The following DEFA4 variants were observed in gnomAD, a reference collection of about 807,000 sequenced individuals.
DEFA4 encodes corticostatin.
DEFA4 carries 8 observed loss-of-function variants against 4.4 expected under a neutral mutation model. That is an observed-to-expected ratio of 1.82 (90% confidence interval 1.07 to 3.29). DEFA4 has a LOEUF of 3.29. Among genes scored for constraint, DEFA4 ranks in the 30% most tolerant of loss-of-function variants. DEFA4 has a pLI of 0.00. For synonymous variants in DEFA4, 77 were observed against 46.5 expected (o/e 1.66, Z -2.67); for missense variants, 216 against 127.0 (o/e 1.70, Z -3.37).
rs771358026 is a variant in DEFA4 at position 6,936,165 on chromosome 8, G to T, written c.173-24C>A. On this transcript the variant is annotated intron_variant, in intron 2 of 2. Transcript: ENST00000297435. ...GCCTGGGAACACAGAGGAAGCATGA[G>T]AAATTAAGCACCAAGGTCAGCGGTG... 44 of 1,612,308 alleles carry T rather than the reference G, an allele frequency of 2.7e-5. 2 individuals are homozygous for T. The highest frequency in any genetic ancestry group is 1.7e-4 in the Middle Eastern group (1 of 5,982).
intron 2 of DEFA4, 115 bp from the exon 3 acceptor site, chr8:6,936,256 C>A: frequency 7.3e-7 from 1 of 1,367,898 alleles, no homozygotes; most frequent in South Asian, 1.3e-5. Flanking sequence ...GCATTAGTGC[C>A]GGTAGCACAA....
chr8:6,937,468 C>T (rs1808905352), intron 1 of DEFA4, among the ~76,000 whole-genome samples: 1 of 152,008 alleles, frequency 6.6e-6, no homozygotes, highest in Non-Finnish European at 1.5e-5. Flanking sequence ...GGACAATGAC[C>T]TTATCAGGGT....
At chr8:6,936,536 A>G (rs7816407) in intron 2 of DEFA4, among the ~76,000 whole-genome samples, 192 bp downstream of exon 2, 1,533 of 152,274 alleles carry the variant, frequency 0.01, 29 homozygotes, top group African/African-American at 0.034. Context: ...ATACCTTGGA[A>G]TCAAGTCTTT....
chr8:6,937,822 A>C (rs761327278), intron 1 of DEFA4, among the ~76,000 whole-genome samples: 5 of 152,198 alleles, frequency 3.3e-5, no homozygotes, highest in African/African-American at 4.8e-5. Flanking sequence ...CCAGAAAATG[A>C]GAGAAAATGT....
In DEFA4 at chr8:6,936,081, C is replaced by G. The variant is rs200506506; in HGVS notation, c.233G>C (p.Arg78Pro). 25 of 1,613,908 alleles carry G rather than the reference C, an allele frequency of 1.5e-5. No homozygotes were observed. Among genetic ancestry groups the G allele is most frequent in the Non-Finnish European group, 1.9e-5 (23 of 1,180,026 alleles). Reference protein sequence around the residue: ...RLVFCRRTELRVGNCLIGGVS... With the variant: ...RLVFCRRTELPVGNCLIGGVS... ...ACCACCAATGAGGCAGTTCCCAACA[C>G]GAAGTTCTGTTCGCCGGCAGAATAC... is the stretch of plus-strand genomic sequence containing the variant. The change falls in exon 3 of 3, where the codon CGT (arginine) becomes CCT (proline). Residue 78 changes from arginine to proline, a missense_variant. Arg to Pro is a moderately radical substitution (Grantham distance 103). Coordinates refer to ENST00000297435, the MANE Select transcript of DEFA4 (RefSeq NM_001925.3).
intron 2 of DEFA4, among the ~76,000 whole-genome samples, chr8:6,936,506 C>A (rs1197770585): frequency 6.6e-6 from 1 of 152,138 alleles, no homozygotes; most frequent in East Asian, 1.9e-4. Flanking sequence ...CGTATCTTAA[C>A]CCTAGCGAAT....
Position 6,936,251 on chromosome 8 carries a change from A to G in DEFA4, c.173-110T>C, listed in dbSNP as rs181316305. The stretch of plus-strand genomic sequence containing the variant: ...GCTGACCGGTGATGCTGGCTGCATT[A>G]GTGCCGGTAGCACAAACAACCTTAG... On this transcript the variant is annotated intron_variant, in intron 2 of 2. Transcript: ENST00000297435. 9.8e-5 allele frequency: 139 copies of G among 1,417,724 alleles called. No individual in the cohort carries two copies. In the East Asian group the frequency reaches 3.3e-3, roughly 33 times the overall value. 87.8% of individuals were successfully genotyped at this position (1,417,724 alleles called of 1,614,324 possible).
chr8:6,936,577 C>G (rs1329580563), intron 2 of DEFA4, 151 bp downstream of exon 2: 2 of 716,876 alleles, frequency 2.8e-6, no homozygotes, highest in East Asian at 5.9e-5. Flanking sequence ...ATTTGTTTGT[C>G]TCTCTATTCA....
intron 2 of DEFA4, 80 bp from the exon 3 acceptor site, chr8:6,936,221 T>A: frequency 1.3e-6 from 2 of 1,580,490 alleles, no homozygotes; most frequent in Non-Finnish European, 8.6e-7. Flanking sequence ...AGAAGTCACA[T>A]GCTGGCTGAC....
At position 6,936,860 on chromosome 8, in the gene DEFA4, C is replaced by G; in HGVS notation, c.40G>C (p.Ala14Pro). The change falls in exon 2 of 3, where the codon GCC (alanine) becomes CCC (proline). Residue 14 changes from alanine to proline, a missense_variant. Physicochemically the swap from Ala to Pro is conservative, Grantham distance 27 (BLOSUM62 -1). Coordinates refer to ENST00000297435, the MANE Select transcript of DEFA4 (RefSeq NM_001925.3). ...AGTGGGCCTGCCCGGACCTGGAGGG[C>G]TACCAAGAGAATAGCAGCGAGGAGG... ...IALLAAILLVALQVRAGPLQA... is the reference protein window; with the variant it reads ...IALLAAILLVPLQVRAGPLQA... 6.2e-7 allele frequency: 1 copy of G among 1,612,298 alleles called. No homozygotes were observed. The highest frequency in any genetic ancestry group is 8.5e-7 in the Non-Finnish European group (1 of 1,179,164).
At chr8:6,937,217 A>C (rs528185445) in intron 1 of DEFA4, among the ~76,000 whole-genome samples, 5 of 152,194 alleles carry the variant, frequency 3.3e-5, no homozygotes, top group African/African-American at 7.2e-5. Flanking sequence ...TTCCTGGTTA[A>C]ATCTTTAATA....
intron 2 of DEFA4, among the ~76,000 whole-genome samples, 163 bp from the exon 3 acceptor site, chr8:6,936,304 G>A (rs534978265): frequency 2.6e-5 from 4 of 152,276 alleles, no homozygotes; most frequent in Admixed American, 2.6e-4. Flanking sequence ...ACAGAGCAAT[G>A]CTGCTCATAC....
In DEFA4 at chr8:6,935,912, T is replaced by G. The variant is rs1808824825; in HGVS notation, c.*108A>C. The G allele has an allele frequency of 6.5e-7, 1 of 1,527,070 alleles. No individual in the cohort carries two copies. Among genetic ancestry groups the G allele is most frequent in the African/African-American group, 1.4e-5 (1 of 73,026 alleles). The allele number at this position is 1,527,070 out of a possible 1,614,324, so 94.6% of individuals were successfully genotyped here. A position where few individuals can be genotyped will look rare whatever the true frequency, so the allele number is the denominator to read the frequency against. On this transcript the variant is annotated 3_prime_UTR_variant, in exon 3 of 3. Coordinates refer to ENST00000297435, the MANE Select transcript of DEFA4 (RefSeq NM_001925.3). ...CATTTCCTGTAGCTCTCAAAGCAAA[T>G]TATGAGCTCATTTTTCTCTATTCTG...
rs780557087 is a variant in DEFA4, at chr8:6,936,829, G to A, written c.71C>T (p.Ala24Val). 1.2e-6 allele frequency: 2 copies of A among 1,613,628 alleles called. No homozygotes were observed. Among genetic ancestry groups the A allele is most frequent in the Non-Finnish European group, 1.7e-6 (2 of 1,179,810 alleles). Residue 24 changes from alanine to valine, a missense_variant, in exon 2 of 3, where the codon GCA becomes GTA. Ala to Val is a moderately conservative substitution (Grantham distance 64). Coordinates refer to ENST00000297435, the MANE Select transcript of DEFA4 (RefSeq NM_001925.3). Reference sequence around the variant, plus strand: ...CTGGCCTGGAGCCTCATCACCTCTTGCCTGGAGTGGGCCTGCCCGGACCTG... The same window carrying A: ...CTGGCCTGGAGCCTCATCACCTCTTACCTGGAGTGGGCCTGCCCGGACCTG... The part of the protein sequence containing the change: ...ALQVRAGPLQ[A>V]RGDEAPGQEQ...
In DEFA4 at chr8:6,936,877, G is replaced by A. The variant is rs28488529; in HGVS notation, c.23C>T (p.Ala8Val). 18,524 of 1,609,214 alleles carry A rather than the reference G, an allele frequency of 0.012. 404 individuals carry two copies. Among genetic ancestry groups the A allele is most frequent in the African/African-American group, 0.08 (6,021 of 74,872 alleles). The change falls in exon 2 of 3, where the codon GCT becomes GTT. Residue 8 changes from alanine to valine, a missense_variant. Physicochemically the swap from Ala to Val is moderately conservative, Grantham distance 64. Coordinates refer to ENST00000297435, the MANE Select transcript of DEFA4 (RefSeq NM_001925.3). MRIIALL[A>V]AILLVALQVR... ...CTGGAGGGCTACCAAGAGAATAGCA[G>A]CGAGGAGGGCGATAATCCTCATGGC...
chr8:6,936,891 A>C lies in DEFA4; in HGVS notation c.9T>G (p.Ile3Met), dbSNP rs775138256. 1 of 1,604,374 alleles carries C rather than the reference A, an allele frequency of 6.2e-7. No homozygotes were observed. Among genetic ancestry groups the C allele is most frequent in the Non-Finnish European group, 8.5e-7 (1 of 1,174,522 alleles). The change falls in exon 2 of 3, where the codon ATT (isoleucine) becomes ATG (methionine). Residue 3 changes from isoleucine to methionine, a missense_variant. Transcript: ENST00000297435. MR[I>M]IALLAAILLV... is the part of the protein sequence containing the mutation. ...AGAGAATAGCAGCGAGGAGGGCGAT[A>C]ATCCTCATGGCTGGGGTGACCTGGA...
chr8:6,936,768 A>C lies in DEFA4; in HGVS notation c.132T>G (p.Ile44Met). The change falls in exon 2 of 3, where the codon ATT (isoleucine) becomes ATG (methionine). Residue 44 changes from isoleucine (I) to methionine (M), a missense_variant. Ile to Met is a conservative substitution (Grantham distance 10). Coordinates refer to ENST00000297435, the MANE Select transcript of DEFA4 (RefSeq NM_001925.3). ...QRGPEDQDIS[I>M]SFAWDKSSAL... is the part of the protein sequence containing the mutation. ...CAGAGCTTTTATCCCATGCAAAGGA[A>C]ATAGATATGTCCTGGTCTTCTGGCC... is the stretch of plus-strand genomic sequence containing the variant. 1 of 1,612,852 alleles carries C rather than the reference A, an allele frequency of 6.2e-7. No individual in the cohort carries two copies. The highest frequency in any genetic ancestry group is 8.5e-7 in the Non-Finnish European group (1 of 1,179,380).
intron 1 of DEFA4, among the ~76,000 whole-genome samples, chr8:6,937,842 C>G (rs1161189097): frequency 6.6e-6 from 1 of 152,086 alleles, no homozygotes; most frequent in African/African-American, 2.4e-5. Flanking sequence ...TTTGCAAAGC[C>G]TACGTGGTAG....
chr8:6,936,108 A>C lies in DEFA4; in HGVS notation c.206T>G (p.Leu69Ter). The change falls in exon 3 of 3, where the codon TTA (leucine) becomes TGA (stop). Residue 69 changes from leucine (L) to a stop codon, truncating the protein, a stop_gained. Transcript: ENST00000297435. LOFTEE classifies it low-confidence loss of function (END_TRUNC). ...AAGTTCTGTTCGCCGGCAGAATACTAATCTGCAAGAGCAGACCATGCCCCT... is the reference window on the plus strand; with the variant it reads ...AAGTTCTGTTCGCCGGCAGAATACTCATCTGCAAGAGCAGACCATGCCCCT... Reference protein sequence around the residue: ...STRGMVCSCRLVFCRRTELRV... With the variant: ...STRGMVCSCR 1 of 1,614,010 alleles carries C rather than the reference A, an allele frequency of 6.2e-7. No homozygotes were observed. The highest frequency in any genetic ancestry group is 8.5e-7 in the Non-Finnish European group (1 of 1,180,008).
Sources: gnomAD v4.1 joint callset for allele counts (sites outside exome capture counted in the v4.1 genomes callset) on GRCh38, gnomAD v4.1.1 for gene constraint, MANE v1.5 for transcripts, NCBI Gene and HGNC (gene_info 2026-07-23, HGNC 2026-07-21) for gene names.